The following TAS2R1 variants were observed in gnomAD, a reference collection of about 807,000 sequenced individuals.
TAS2R1 encodes the protein taste 2 receptor member 1, also known as taste receptor type 2 member 1.
For missense variants in TAS2R1, 370 were observed against 353.4 expected, an observed-to-expected ratio of 1.05 and a Z score of -0.38; for synonymous variants, 141 against 134.2, an observed-to-expected ratio of 1.05 and a Z score of -0.35.
chr5:9,843,450 A>G, the TAS2R1 span, among the ~76,000 whole-genome samples: 1 of 152,170 alleles, frequency 6.6e-6, no homozygotes, highest in Non-Finnish European at 1.5e-5. Flanking sequence ...ATATCTTGCA[A>G]CTAATCTATC....
chr5:9,836,026 T>C, the TAS2R1 span, among the ~76,000 whole-genome samples: 1 of 152,056 alleles, frequency 6.6e-6, no homozygotes, highest in East Asian at 1.9e-4. Flanking sequence ...AGGGACCCAG[T>C]AGGAGGTAAT....
chr5:9,722,347 CTAAGT>C, the TAS2R1 span, among the ~76,000 whole-genome samples: 1 of 152,206 alleles, frequency 6.6e-6, no homozygotes, highest in Non-Finnish European at 1.5e-5. Context: ...TTTTAAGCTA[CTAAGT>C]TAAGGTAATT....
the TAS2R1 span, among the ~76,000 whole-genome samples, chr5:9,873,632 C>T: frequency 9.9e-5 from 15 of 151,522 alleles, no homozygotes; most frequent in South Asian, 4.2e-4. Flanking sequence ...TTTGGGAGGC[C>T]GAGGCAGGTG....
At chr5:9,703,764 T>C (rs946456327) in intron 1 of TAS2R1, among the ~76,000 whole-genome samples, 3 of 152,190 alleles carry the variant, frequency 2.0e-5, no homozygotes, top group Admixed American at 2.0e-4. Context: ...CATCTGTGCC[T>C]ACAACTGTCC....
chr5:9,728,706 G>A, the TAS2R1 span, among the ~76,000 whole-genome samples: 21 of 152,298 alleles, frequency 1.4e-4, no homozygotes, highest in Non-Finnish European at 2.1e-4. Context: ...AATGGAGAGC[G>A]AAACCCAAGG....
chr5:9,813,721 T>C, the TAS2R1 span, among the ~76,000 whole-genome samples: 1 of 152,204 alleles, frequency 6.6e-6, no homozygotes, highest in South Asian at 2.1e-4. Context: ...ATATATGACT[T>C]CCAAATAATG....
the TAS2R1 span, among the ~76,000 whole-genome samples, chr5:9,814,254 A>G: frequency 6.6e-6 from 1 of 152,140 alleles, no homozygotes; most frequent in African/African-American, 2.4e-5. Context: ...TTAAATACAG[A>G]TTTATTGTTA....
chr5:9,761,992 C>T, the TAS2R1 span, among the ~76,000 whole-genome samples: 2 of 152,098 alleles, frequency 1.3e-5, no homozygotes, highest in African/African-American at 4.8e-5. Context: ...TGGGTCATGG[C>T]GTCCCCACGA....
intron 2 of TAS2R1, chr5:9,659,404 T>C (rs1039015618): frequency 6.6e-6 from 1 of 152,134 alleles, no homozygotes; most frequent in Non-Finnish European, 1.5e-5. Flanking sequence ...CATTTAATAA[T>C]AGATCTCAGG....
At position 9,630,121 on chromosome 5, in the gene TAS2R1, G is replaced by A. The variant is rs138940415; in HGVS notation, c.-89C>T. 0.021 allele frequency: 23,141 copies of A among 1,101,308 alleles called. 280 individuals carry two copies. The highest frequency in any genetic ancestry group is 0.026 in the Middle Eastern group (94 of 3,564). The allele number at this position is 1,101,308 out of a possible 1,614,324, so 68.2% of individuals were successfully genotyped here. The stretch of plus-strand genomic sequence containing the variant: ...TTGTTCACGCTCTTCAATTAGATCA[G>A]GACTCCTCTGGGGAAGAAGACTAAC... On this transcript the variant is annotated 5_prime_UTR_variant, in exon 1 of 1. Transcript: ENST00000382492.
the TAS2R1 span, among the ~76,000 whole-genome samples, chr5:9,778,788 G>T: frequency 6.6e-6 from 1 of 152,224 alleles, no homozygotes; most frequent in Non-Finnish European, 1.5e-5. Flanking sequence ...TTTGGCTTAA[G>T]GGGCTGTTGT....
the TAS2R1 span, among the ~76,000 whole-genome samples, chr5:9,725,504 G>C: frequency 6.6e-6 from 1 of 152,182 alleles, no homozygotes; most frequent in African/African-American, 2.4e-5. Flanking sequence ...CAGCAGTGCC[G>C]GCCTACCGGC....
the TAS2R1 span, among the ~76,000 whole-genome samples, chr5:9,828,326 A>T: frequency 6.6e-6 from 1 of 151,962 alleles, no homozygotes; most frequent in Non-Finnish European, 1.5e-5. Context: ...GGGTTTCACC[A>T]TGTTGGCCAG....
At chr5:9,855,811 G>A in the TAS2R1 span, among the ~76,000 whole-genome samples, 1 of 152,198 alleles carries the variant, frequency 6.6e-6, no homozygotes, top group Non-Finnish European at 1.5e-5. Context: ...TTACCACAAT[G>A]CCTTCAGGTA....
intron 2 of TAS2R1, among the ~76,000 whole-genome samples, chr5:9,644,280 T>C (rs1233200664): frequency 2.0e-5 from 3 of 152,150 alleles, no homozygotes; most frequent in African/African-American, 7.2e-5. Context: ...AAATAACAAC[T>C]AAAGGCTGTT....
chr5:9,743,664 T>G, the TAS2R1 span, among the ~76,000 whole-genome samples: 1 of 152,160 alleles, frequency 6.6e-6, no homozygotes, highest in Non-Finnish European at 1.5e-5. Context: ...TAAACATGAA[T>G]ATTTTATGGT....
At chr5:9,845,664 G>C in the TAS2R1 span, among the ~76,000 whole-genome samples, 1 of 152,130 alleles carries the variant, frequency 6.6e-6, no homozygotes, top group Non-Finnish European at 1.5e-5. Context: ...AAAGGAAGGA[G>C]AATAAAGGCT....
At chr5:9,635,711 T>C (rs768218367) in intron 2 of TAS2R1, among the ~76,000 whole-genome samples, 5 of 152,088 alleles carry the variant, frequency 3.3e-5, no homozygotes, top group Non-Finnish European at 5.9e-5. Flanking sequence ...CTAGATTGTT[T>C]AGTTTATGTG....
At chr5:9,777,099 G>T in the TAS2R1 span, among the ~76,000 whole-genome samples, 1,495 of 152,238 alleles carry the variant, frequency 9.8e-3, 26 homozygotes, top group African/African-American at 0.034. Context: ...TGATCATGAG[G>T]GTGGTTGCTG....
Sources: gnomAD v4.1 joint callset for allele counts (sites outside exome capture counted in the v4.1 genomes callset) on GRCh38, gnomAD v4.1.1 for gene constraint, MANE v1.5 for transcripts, NCBI Gene and HGNC (gene_info 2026-07-23, HGNC 2026-07-21) for gene names.